Variants in ARHGAP10 observed in about 807,000 individuals in gnomAD.
ARHGAP10 encodes rho GTPase-activating protein 10.
In ARHGAP10, 87 loss-of-function variants were observed where a neutral mutation model predicts 108.6. The ratio of observed to expected loss-of-function variants is 0.80; its 90% confidence interval spans 0.67 to 0.96. The LOEUF (loss-of-function observed/expected upper bound fraction) is 0.96, where lower values mean the gene tolerates loss of function less well. Among genes scored for constraint, ARHGAP10 ranks in the 40% least tolerant of loss-of-function variants. ARHGAP10 has a pLI of 0.00. For missense variants in ARHGAP10, 939 were observed against 954.5 expected, an observed-to-expected ratio of 0.98 and a Z score of 0.21; for synonymous variants, 347 against 341.1, an observed-to-expected ratio of 1.02 and a Z score of -0.19.
At chr4:147,769,829 T>C (rs778292407) in intron 1 of ARHGAP10, among the ~76,000 whole-genome samples, 4 of 152,164 alleles carry the variant, frequency 2.6e-5, no homozygotes, top group Non-Finnish European at 4.4e-5. Context: ...AACCAGTGGC[T>C]GGAATTAAGA....
chr4:147,806,889 G>A (rs1173387480), intron 1 of ARHGAP10, among the ~76,000 whole-genome samples: 3 of 152,138 alleles, frequency 2.0e-5, no homozygotes, highest in Non-Finnish European at 4.4e-5. Flanking sequence ...ATTTTGAATA[G>A]CATTGCCTGT....
chr4:147,966,900 C>A (rs190620812), intron 18 of ARHGAP10, 61 bp downstream of exon 18: 1 of 1,328,728 alleles, frequency 7.5e-7, no homozygotes, highest in African/African-American at 1.5e-5. Flanking sequence ...TACTACACAA[C>A]GATCCTCTTA....
intron 1 of ARHGAP10, among the ~76,000 whole-genome samples, chr4:147,757,011 G>T (rs1729401827): frequency 1.3e-5 from 2 of 151,886 alleles, no homozygotes; most frequent in Admixed American, 1.3e-4. Context: ...CAGTTGCAGA[G>T]AGAGTGAGAG....
intron 1 of ARHGAP10, among the ~76,000 whole-genome samples, chr4:147,762,540 A>ATTTT (rs940222267): frequency 3.3e-5 from 5 of 149,914 alleles, no homozygotes; most frequent in African/African-American, 1.2e-4. Context: ...TTATTTATTT[A>ATTTT]TTTTTTTTGA....
rs555553990 is a variant in ARHGAP10 at position 147,993,357 on chromosome 4, G to A, written c.1716+26518G>A. 7.9e-5 allele frequency among the ~76,000 whole-genome samples: 12 copies of A among 152,358 alleles called. 1 individual carries two copies. Among genetic ancestry groups the A allele is most frequent in the African/African-American group, 2.6e-4 (11 of 41,574 alleles). The stretch of plus-strand genomic sequence containing the variant: ...GTAATTGATTCGGCTAGGTGATGAT[G>A]TATGTAGGAGTTCATTATATTATTC... On this transcript the variant is annotated intron_variant, in intron 18 of 22. Transcript: ENST00000336498.
chr4:148,036,066 CTGTGTGTGTGTGTGTGTG>C (rs61692055), intron 19 of ARHGAP10, among the ~76,000 whole-genome samples: 1 of 142,760 alleles, frequency 7.0e-6, no homozygotes. Context: ...GGAGCTGCCT[CTGTGTGTGTGTGTGTGTG>C]TGTGTGTGTG....
At chr4:148,043,723 CAT>C (rs35862342) in intron 19 of ARHGAP10, among the ~76,000 whole-genome samples, 18 of 115,480 alleles carry the variant, frequency 1.6e-4, no homozygotes, top group African/African-American at 3.6e-4. Flanking sequence ...ATGCATTTTT[CAT>C]ATATATATGT....
chr4:147,748,914 A>G (rs1184697016), intron 1 of ARHGAP10, among the ~76,000 whole-genome samples: 1 of 152,144 alleles, frequency 6.6e-6, no homozygotes, highest in Non-Finnish European at 1.5e-5. Context: ...AGCTGTGATC[A>G]TGCCACTGTA....
rs2126778241 is a variant in ARHGAP10 at position 147,816,066 on chromosome 4, C to A, written c.155-6661C>A. Reference sequence around the variant, plus strand: ...TACTGTAAATGAGATTTTCTTTAAACAGAGGAATCTGTGGCCAAAGACAGT... The same window carrying A: ...TACTGTAAATGAGATTTTCTTTAAAAAGAGGAATCTGTGGCCAAAGACAGT... On this transcript the variant is annotated intron_variant, in intron 1 of 22. Transcript: ENST00000336498. Among the ~76,000 whole-genome samples, 3 of 152,280 alleles carry A rather than the reference C, an allele frequency of 2.0e-5. No homozygotes were observed. In the South Asian group the frequency reaches 6.2e-4, roughly 32 times the overall value.
At chr4:147,912,562 T>C (rs1376233225) in intron 12 of ARHGAP10, among the ~76,000 whole-genome samples, 3 of 89,706 alleles carry the variant, frequency 3.3e-5, no homozygotes, top group African/African-American at 2.2e-4. Flanking sequence ...TATATATATA[T>C]ATATATATAT....
chr4:147,954,365 T>C (rs1003150225), intron 15 of ARHGAP10, among the ~76,000 whole-genome samples: 5 of 152,024 alleles, frequency 3.3e-5, no homozygotes, highest in Admixed American at 6.6e-5. Context: ...TTCAAGTGTT[T>C]TGGGGCTCTC....
intron 4 of ARHGAP10, among the ~76,000 whole-genome samples, chr4:147,850,750 G>A (rs1002952272): frequency 4.6e-5 from 7 of 152,146 alleles, no homozygotes; most frequent in African/African-American, 1.7e-4. Context: ...GACACAACAG[G>A]ACACAGGTTG....
At chr4:147,740,670 GTC>G (rs1427407429) in intron 1 of ARHGAP10, among the ~76,000 whole-genome samples, 1 of 152,124 alleles carries the variant, frequency 6.6e-6, no homozygotes, top group Non-Finnish European at 1.5e-5. Context: ...CCTCCACTCT[GTC>G]TCTCTCAATC....
At chr4:147,979,728 T>G (rs533553059) in intron 18 of ARHGAP10, among the ~76,000 whole-genome samples, 2 of 152,316 alleles carry the variant, frequency 1.3e-5, no homozygotes, top group Admixed American at 1.3e-4. Flanking sequence ...GTTTTGTAGT[T>G]CTTCTCACGG....
chr4:147,879,129 T>C, intron 8 of ARHGAP10, 103 bp from the exon 9 acceptor site: 2 of 847,060 alleles, frequency 2.4e-6, no homozygotes, highest in Non-Finnish European at 3.7e-6. Context: ...TCAGCTGTAT[T>C]CGTTGCTGCG....
chr4:147,979,557 C>A (rs1421350102), intron 18 of ARHGAP10, among the ~76,000 whole-genome samples: 3 of 151,412 alleles, frequency 2.0e-5, no homozygotes, highest in African/African-American at 7.3e-5. Context: ...AAAGTGTTTT[C>A]TAATTCTCTG....
chr4:147,987,532 A>C (rs771462724), intron 18 of ARHGAP10, among the ~76,000 whole-genome samples: 21 of 152,232 alleles, frequency 1.4e-4, no homozygotes, highest in Non-Finnish European at 2.4e-4. Context: ...CACTGTGGAC[A>C]TGAACCCCTC....
At chr4:148,032,033 G>A (rs1379008385) in intron 19 of ARHGAP10, among the ~76,000 whole-genome samples, 3 of 152,056 alleles carry the variant, frequency 2.0e-5, no homozygotes, top group Non-Finnish European at 4.4e-5. Flanking sequence ...AACACAATTT[G>A]GAATTTGATG....
At chr4:148,052,307 A>G (rs896151904) in intron 20 of ARHGAP10, among the ~76,000 whole-genome samples, 2 of 140,108 alleles carry the variant, frequency 1.4e-5, no homozygotes, top group South Asian at 4.6e-4. Context: ...CACTCAGTTC[A>G]CCCTAGAAGT....
Sources: allele counts gnomAD v4.1 joint callset (sites outside exome capture counted in the v4.1 genomes callset), GRCh38; gene constraint gnomAD v4.1.1; transcripts MANE v1.5; gene names NCBI Gene and HGNC (gene_info 2026-07-23, HGNC 2026-07-21).